PPP3CA: variants seen among roughly 807,000 people sequenced by gnomAD.
The protein encoded by PPP3CA is protein phosphatase 3 catalytic subunit alpha.
In PPP3CA, 14 loss-of-function variants were observed where a neutral mutation model predicts 66.5. The observed-to-expected ratio is 0.21, with a 90% CI of 0.14 to 0.33. PPP3CA has a LOEUF of 0.33. PPP3CA is among the 10% of genes least tolerant of loss of function. The probability of loss-of-function intolerance (pLI) is 1.00; values close to 1 mark genes in which losing one functional copy is unlikely to be tolerated. For synonymous variants in PPP3CA, 232 were observed against 226.2 expected, an observed-to-expected ratio of 1.03 and a Z score of -0.23; for missense variants, 317 against 639.5, an observed-to-expected ratio of 0.50 and a Z score of 5.44.
rs79045646 is a variant in PPP3CA, at chr4:101,335,682, C to T, written c.58+11057G>A. ...ATCATGACTGGCAATCCTCACCCTC[C>T]CAAAGGGTATCTCGGGATGCTAAAC... On this transcript the variant is annotated intron_variant, in intron 1 of 13. Transcript: ENST00000394854. Among the ~76,000 whole-genome samples the T allele has an allele frequency of 2.8e-3, 422 of 152,154 alleles. 3 individuals are homozygous for T. The highest frequency in any genetic ancestry group is 4.2e-3 in the Non-Finnish European group (288 of 67,998).
intron 2 of PPP3CA, among the ~76,000 whole-genome samples, chr4:101,114,450 C>A (rs756858880): frequency 1.3e-5 from 2 of 152,202 alleles, no homozygotes; most frequent in Non-Finnish European, 2.9e-5. Context: ...ATCAGATACA[C>A]TGAGCTGTTT....
chr4:101,077,063 T>G (rs965851782), intron 8 of PPP3CA, among the ~76,000 whole-genome samples: 1 of 152,192 alleles, frequency 6.6e-6, no homozygotes, highest in Non-Finnish European at 1.5e-5. Flanking sequence ...AGGAAGACAG[T>G]GCAGACTGGA....
chr4:101,122,602 T>C (rs941891342), intron 2 of PPP3CA, among the ~76,000 whole-genome samples: 1 of 152,166 alleles, frequency 6.6e-6, no homozygotes, highest in Non-Finnish European at 1.5e-5. Flanking sequence ...GCAGCATTGA[T>C]GAAATTTGTC....
intron 10 of PPP3CA, among the ~76,000 whole-genome samples, chr4:101,056,142 G>A (rs1728214204): frequency 6.6e-6 from 1 of 152,078 alleles, no homozygotes; most frequent in African/African-American, 2.4e-5. Flanking sequence ...TTACTAGCTG[G>A]ATGAACTTAG....
At chr4:101,177,849 C>T (rs1010652754) in intron 2 of PPP3CA, among the ~76,000 whole-genome samples, 5 of 151,434 alleles carry the variant, frequency 3.3e-5, no homozygotes, top group African/African-American at 1.2e-4. Context: ...AAACACAATT[C>T]CTATAACAAT....
At chr4:101,186,562 C>T (rs1724415281) in intron 2 of PPP3CA, among the ~76,000 whole-genome samples, 1 of 152,100 alleles carries the variant, frequency 6.6e-6, no homozygotes, top group African/African-American at 2.4e-5. Flanking sequence ...TATAATAGCT[C>T]ATATTTCCCA....
At chr4:101,092,743 T>G (rs1331918727) in intron 6 of PPP3CA, among the ~76,000 whole-genome samples, 1 of 151,836 alleles carries the variant, frequency 6.6e-6, no homozygotes, top group Non-Finnish European at 1.5e-5. Flanking sequence ...TAATAGTTCT[T>G]ATGGATTCCA....
At chr4:101,164,856 C>T (rs1035347514) in intron 2 of PPP3CA, among the ~76,000 whole-genome samples, 1 of 151,902 alleles carries the variant, frequency 6.6e-6, no homozygotes, top group African/African-American at 2.4e-5. Flanking sequence ...ACCTAATCCA[C>T]CAAAAAACTT....
intron 1 of PPP3CA, among the ~76,000 whole-genome samples, chr4:101,279,657 A>C (rs1384949721): frequency 6.6e-6 from 1 of 152,190 alleles, no homozygotes; most frequent in African/African-American, 2.4e-5. Context: ...CCTGATTGAA[A>C]CCAGCTGAGC....
chr4:101,274,313 AAAAT>A (rs1727424235), intron 1 of PPP3CA, among the ~76,000 whole-genome samples: 2 of 152,226 alleles, frequency 1.3e-5, no homozygotes, highest in African/African-American at 2.4e-5. Flanking sequence ...CTCCGTCTCA[AAAAT>A]AAATAAATAA....
intron 10 of PPP3CA, among the ~76,000 whole-genome samples, chr4:101,058,827 G>A (rs948520794): frequency 2.6e-5 from 4 of 152,096 alleles, no homozygotes; most frequent in Non-Finnish European, 5.9e-5. Context: ...AGTCATTTTG[G>A]CTATGGTACC....
At chr4:101,118,181 A>G (rs1204356181) in intron 2 of PPP3CA, among the ~76,000 whole-genome samples, 1 of 151,762 alleles carries the variant, frequency 6.6e-6, no homozygotes, top group African/African-American at 2.4e-5. Context: ...CATTTCTGGC[A>G]TTTTGCTTTT....
intron 1 of PPP3CA, among the ~76,000 whole-genome samples, chr4:101,245,385 G>A (rs981802574): frequency 2.6e-5 from 4 of 152,132 alleles, no homozygotes; most frequent in African/African-American, 9.7e-5. Flanking sequence ...ATCCCGAAGA[G>A]TACAAACAAG....
At chr4:101,117,524 C>T (rs989105587) in intron 2 of PPP3CA, among the ~76,000 whole-genome samples, 1 of 151,154 alleles carries the variant, frequency 6.6e-6, no homozygotes, top group Non-Finnish European at 1.5e-5. Context: ...TTTTTTCCAT[C>T]TGATACCACT....
chr4:101,335,676 A>C (rs564764965), intron 1 of PPP3CA, among the ~76,000 whole-genome samples: 1 of 152,018 alleles, frequency 6.6e-6, no homozygotes, highest in South Asian at 2.1e-4. Context: ...GGCAATCCTC[A>C]CCCTCCCAAA....
chr4:101,081,702 C>T (rs551395353), intron 7 of PPP3CA, among the ~76,000 whole-genome samples: 60 of 152,256 alleles, frequency 3.9e-4, no homozygotes, highest in African/African-American at 1.4e-3. Context: ...TAAACAGCCA[C>T]CTTAACATTT....
At chr4:101,317,184 A>G (rs1728907756) in intron 1 of PPP3CA, among the ~76,000 whole-genome samples, 1 of 151,724 alleles carries the variant, frequency 6.6e-6, no homozygotes, top group Non-Finnish European at 1.5e-5. Context: ...AGTCCACAGC[A>G]AAAGAAAACC....
At chr4:101,109,308 T>TAAAAAAAAAA (rs70961775) in intron 2 of PPP3CA, among the ~76,000 whole-genome samples, 5 of 90,052 alleles carry the variant, frequency 5.6e-5, no homozygotes, top group East Asian at 6.3e-4. Context: ...ACAGATTAAC[T>TAAAAAAAAAA]AAAAAAAAAA....
intron 5 of PPP3CA, among the ~76,000 whole-genome samples, chr4:101,096,294 A>G (rs1413097198): frequency 6.6e-6 from 1 of 152,208 alleles, no homozygotes; most frequent in African/African-American, 2.4e-5. Flanking sequence ...ATGGTAGTAG[A>G]GACTTATGGT....
Sources: allele counts gnomAD v4.1 joint callset (sites outside exome capture counted in the v4.1 genomes callset), GRCh38; gene constraint gnomAD v4.1.1; transcripts MANE v1.5; gene names NCBI Gene and HGNC (gene_info 2026-07-23, HGNC 2026-07-21).